Variants in RNF144A observed in about 807,000 individuals in gnomAD.
The protein encoded by RNF144A is ring finger protein 144A, also known as E3 ubiquitin-protein ligase RNF144A.
RNF144A carries 11 observed loss-of-function variants against 38.7 expected under a neutral mutation model. That is an observed-to-expected ratio of 0.28 (90% confidence interval 0.18 to 0.47). RNF144A has a LOEUF of 0.47. RNF144A is among the 20% of genes least tolerant of loss of function. The pLI is 0.99. For synonymous variants in RNF144A, 149 were observed against 143.9 expected (o/e 1.04, Z -0.25); for missense variants, 316 against 377.2 (o/e 0.84, Z 1.34).
chr2:6,998,249 G>T (rs953828758), intron 3 of RNF144A, among the ~76,000 whole-genome samples: 1 of 150,794 alleles, frequency 6.6e-6, no homozygotes, highest in Non-Finnish European at 1.5e-5. Flanking sequence ...TGGGTTTTTC[G>T]AATGCCTGGA....
intron 2 of RNF144A, among the ~76,000 whole-genome samples, chr2:6,994,043 G>T (rs933647005): frequency 3.8e-4 from 58 of 152,172 alleles, no homozygotes; most frequent in African/African-American, 1.4e-3. Context: ...TAAGTTATGT[G>T]ATATCTTCAA....
intron 2 of RNF144A, among the ~76,000 whole-genome samples, chr2:6,991,430 A>G (rs1254252670): frequency 2.0e-5 from 3 of 152,182 alleles, no homozygotes; most frequent in Non-Finnish European, 4.4e-5. Context: ...TACGTGCTCA[A>G]GTTAAGCCCA....
At chr2:6,965,437 A>G (rs1439470898) in intron 2 of RNF144A, among the ~76,000 whole-genome samples, 3 of 152,200 alleles carry the variant, frequency 2.0e-5, no homozygotes, top group African/African-American at 7.2e-5. Flanking sequence ...ACTTTGTGTC[A>G]ATTACTCAAT....
chr2:6,918,080 C>T (rs932165593), intron 1 of RNF144A, among the ~76,000 whole-genome samples: 2 of 152,056 alleles, frequency 1.3e-5, no homozygotes, highest in African/African-American at 4.8e-5. Flanking sequence ...GCTGGAGCCT[C>T]GGCCCCAAGA....
chr2:7,035,184 C>G (rs1306534179), intron 8 of RNF144A, among the ~76,000 whole-genome samples: 4 of 152,172 alleles, frequency 2.6e-5, no homozygotes, highest in Non-Finnish European at 5.9e-5. Context: ...TGTTCCTTCT[C>G]CCTGTCAAGC....
At chr2:7,019,660 C>G (rs561274383) in intron 5 of RNF144A, among the ~76,000 whole-genome samples, 3 of 152,326 alleles carry the variant, frequency 2.0e-5, no homozygotes, top group African/African-American at 7.2e-5. Context: ...CGGCATCATG[C>G]TGGACAAGAG....
chr2:6,921,991 C>T (rs533251901), intron 1 of RNF144A, among the ~76,000 whole-genome samples: 6 of 152,292 alleles, frequency 3.9e-5, no homozygotes, highest in African/African-American at 1.2e-4. Context: ...CCCAGATTTC[C>T]GTGTGTAATA....
At chr2:7,060,251 T>C (rs1470870020) in intron 6 of RNF144A, among the ~76,000 whole-genome samples, 1 of 152,124 alleles carries the variant, frequency 6.6e-6, no homozygotes, top group Non-Finnish European at 1.5e-5. Context: ...AAATAAGACA[T>C]GATCCTGTTT....
Position 7,043,706 on chromosome 2 carries a change from A to T in RNF144A, c.*3946A>T. The T allele has an allele frequency of 1.0e-6, 1 of 985,862 alleles. No individual in the cohort carries two copies. Among genetic ancestry groups the T allele is most frequent in the Non-Finnish European group, 1.2e-6 (1 of 829,926 alleles). 61.1% of individuals were successfully genotyped at this position (985,862 alleles called of 1,614,324 possible). A position where few individuals can be genotyped will look rare whatever the true frequency, so the allele number is the denominator to read the frequency against. ...ACAACTAGGAGAGCATGCCGTCTTGATGTTTAAAAAACCCAGGGTCTCCAC... is the reference window on the plus strand; with the variant it reads ...ACAACTAGGAGAGCATGCCGTCTTGTTGTTTAAAAAACCCAGGGTCTCCAC... On this transcript the variant is annotated 3_prime_UTR_variant, in exon 9 of 9. Transcript: ENST00000320892.
At chr2:7,066,149 C>T (rs369970554) in intron 6 of RNF144A, among the ~76,000 whole-genome samples, 16 of 151,710 alleles carry the variant, frequency 1.1e-4, no homozygotes, top group Non-Finnish European at 1.5e-4. Flanking sequence ...GTTCAGTGGC[C>T]GGATCTCGGC....
At chr2:6,966,841 C>A (rs1188243179) in intron 2 of RNF144A, among the ~76,000 whole-genome samples, 1 of 152,190 alleles carries the variant, frequency 6.6e-6, no homozygotes, top group Non-Finnish European at 1.5e-5. Context: ...GCTGCTGTTA[C>A]TCCTGGTGGG....
chr2:6,980,811 A>T (rs992732977), intron 2 of RNF144A, among the ~76,000 whole-genome samples: 1 of 152,184 alleles, frequency 6.6e-6, no homozygotes, highest in Admixed American at 6.5e-5. Context: ...CACACTGCCC[A>T]TGAAGGTTCT....
intron 3 of RNF144A, 24 bp from the exon 4 acceptor site, chr2:7,014,429 AG>A: frequency 6.7e-7 from 1 of 1,493,848 alleles, no homozygotes; most frequent in East Asian, 2.3e-5. Context: ...AGATGTTTAT[AG>A]ACACTTCTCT....
At chr2:6,980,172 T>C (rs1044808285) in intron 2 of RNF144A, among the ~76,000 whole-genome samples, 1 of 152,204 alleles carries the variant, frequency 6.6e-6, no homozygotes, top group Non-Finnish European at 1.5e-5. Flanking sequence ...TGGGTGGGGA[T>C]GCAGAGCTAA....
chr2:7,073,342 T>C, the RNF144A span, among the ~76,000 whole-genome samples: 3 of 152,336 alleles, frequency 2.0e-5, no homozygotes, highest in East Asian at 3.9e-4. Flanking sequence ...CTCCCCGGAA[T>C]TGAGTATTGG....
chr2:7,031,156 G>A (rs1238574300), intron 8 of RNF144A, among the ~76,000 whole-genome samples: 4 of 151,744 alleles, frequency 2.6e-5, no homozygotes, highest in Admixed American at 6.6e-5. Context: ...ACCGCTACCC[G>A]TCCATGGCCC....
At chr2:7,012,084 T>G (rs1241368526) in intron 3 of RNF144A, among the ~76,000 whole-genome samples, 1 of 152,180 alleles carries the variant, frequency 6.6e-6, no homozygotes, top group African/African-American at 2.4e-5. Flanking sequence ...CCGCACAATA[T>G]CCTGAGAGTC....
chr2:6,985,115 C>T (rs1668865265), intron 2 of RNF144A, among the ~76,000 whole-genome samples: 2 of 152,170 alleles, frequency 1.3e-5, no homozygotes, highest in African/African-American at 2.4e-5. Context: ...GAAATCTTCT[C>T]TATGTATTTG....
chr2:7,075,914 G>A, the RNF144A span, among the ~76,000 whole-genome samples: 1 of 152,156 alleles, frequency 6.6e-6, no homozygotes, highest in African/African-American at 2.4e-5. Context: ...GCCATTACTG[G>A]TTCACCCTGT....
Sources: allele counts gnomAD v4.1 joint callset (sites outside exome capture counted in the v4.1 genomes callset), GRCh38; gene constraint gnomAD v4.1.1; transcripts MANE v1.5; gene names NCBI Gene and HGNC (gene_info 2026-07-23, HGNC 2026-07-21).